The following DNM2 variants were observed in gnomAD, a reference collection of about 807,000 sequenced individuals.
DNM2 encodes the protein dynamin 2.
A neutral mutation model predicts 99.0 loss-of-function variants in DNM2; 15 were observed. The ratio of observed to expected loss-of-function variants is 0.15; its 90% CI spans 0.10 to 0.23. The LOEUF (loss-of-function observed/expected upper bound fraction) is 0.23. Ranked by LOEUF, DNM2 falls within the 10% of genes least tolerant of loss-of-function variation. DNM2 has a pLI of 1.00. For synonymous variants in DNM2, 525 were observed against 481.2 expected, an observed-to-expected ratio of 1.09 and a Z score of -1.19; for missense variants, 742 against 1,189.4, an observed-to-expected ratio of 0.62 and a Z score of 5.53.
intron 1 of DNM2, among the ~76,000 whole-genome samples, chr19:10,738,094 C>T (rs1016826032): frequency 6.6e-6 from 1 of 151,978 alleles, no homozygotes; most frequent in Admixed American, 6.6e-5. Flanking sequence ...GCATTAGTCT[C>T]ACAACAGAAG....
rs1262617501 is a variant in DNM2 at position 10,718,566 on chromosome 19, C to T, written c.161+163C>T. ...GGCGGGCCCTGTGGGACGCCCTGGGCAGAGGACTCCCTGCAGGGGCTCCGG... is the reference window on the plus strand; with the variant it reads ...GGCGGGCCCTGTGGGACGCCCTGGGTAGAGGACTCCCTGCAGGGGCTCCGG... On this transcript the variant is annotated intron_variant, in intron 1 of 20. Coordinates refer to ENST00000389253, the MANE Select transcript of DNM2 (RefSeq NM_001005361.3). The T allele has an allele frequency of 4.7e-6, 5 of 1,060,402 alleles. No homozygotes were observed. In the East Asian group the frequency reaches 1.9e-4, roughly 39 times the overall value. The allele number at this position is 1,060,402 out of a possible 1,614,324, so 65.7% of individuals were successfully genotyped here. A position where few individuals can be genotyped will look rare whatever the true frequency, so the allele number is the denominator to read the frequency against.
At chr19:10,778,591 G>T (rs549413517) in intron 5 of DNM2, among the ~76,000 whole-genome samples, 8 of 152,130 alleles carry the variant, frequency 5.3e-5, no homozygotes, top group Admixed American at 4.6e-4. Context: ...GTTCGAAGCT[G>T]CAGTGAGCTA....
At chr19:10,776,733 A>C (rs565064314) in intron 4 of DNM2, among the ~76,000 whole-genome samples, 23 of 152,346 alleles carry the variant, frequency 1.5e-4, no homozygotes, top group African/African-American at 5.1e-4. Context: ...CAGTCGTGTC[A>C]AACTCAAATG....
At chr19:10,778,033 T>TTATG (rs1324126930) in intron 5 of DNM2, among the ~76,000 whole-genome samples, 3 of 148,000 alleles carry the variant, frequency 2.0e-5, no homozygotes, top group Non-Finnish European at 4.5e-5. Flanking sequence ...ATTTATTTAT[T>TTATG]TATTTATTTA....
rs2071911415 is a variant in DNM2 at position 10,795,809 on chromosome 19, G to A, written c.1196+370G>A. 1 of 611,898 alleles carries A rather than the reference G, an allele frequency of 1.6e-6. No individual in the cohort carries two copies. Among genetic ancestry groups the A allele is most frequent in the South Asian group, 1.9e-5 (1 of 52,090 alleles). 37.9% of individuals were successfully genotyped at this position (611,898 alleles called of 1,614,324 possible). A position where few individuals can be genotyped will look rare whatever the true frequency, so the allele number is the denominator to read the frequency against. ...GAAGCCAGCATGAGTCCCCATCATG[G>A]CTTCCTCGTGAGCCTCTTGGGTCCC... On this transcript the variant is annotated intron_variant, in intron 9 of 20. Coordinates refer to ENST00000389253, the MANE Select transcript of DNM2 (RefSeq NM_001005361.3). The surrounding 1 kb of genome is among the most constrained non-coding windows in gnomAD (Gnocchi z 4.2).
chr19:10,744,378 G>A (rs527556825), intron 1 of DNM2, among the ~76,000 whole-genome samples: 1 of 152,268 alleles, frequency 6.6e-6, no homozygotes, highest in African/African-American at 2.4e-5. Context: ...CCTCAAGAAC[G>A]GGTCCGGGCT....
rs925460569 is a variant in DNM2, at chr19:10,830,056, C to T, written c.2292-71C>T. 59 of 1,608,536 alleles carry T rather than the reference C, an allele frequency of 3.7e-5. No individual in the cohort carries two copies. The East Asian group carries it at 1.2e-3, about 33-fold the overall frequency. ...AGCCAGCCCCCACCTCAGGTTCTGGCAGCCACAGTGGCATGGCGGGGGCTC... is the reference window on the plus strand; with the variant it reads ...AGCCAGCCCCCACCTCAGGTTCTGGTAGCCACAGTGGCATGGCGGGGGCTC... On this transcript the variant is annotated intron_variant, in intron 19 of 20. Coordinates refer to ENST00000389253, the MANE Select transcript of DNM2 (RefSeq NM_001005361.3). This position sits in a 1 kb window ranked among gnomAD's most constrained non-coding sequence, Gnocchi z 4.8.
intron 1 of DNM2, among the ~76,000 whole-genome samples, chr19:10,746,142 G>A (rs565079942): frequency 1.3e-5 from 2 of 152,182 alleles, no homozygotes; most frequent in South Asian, 2.1e-4. Context: ...TGTATTTTTA[G>A]TAGAGACAAG....
At chr19:10,733,095 G>C (rs2069390295) in intron 1 of DNM2, among the ~76,000 whole-genome samples, 1 of 151,718 alleles carries the variant, frequency 6.6e-6, no homozygotes, top group Non-Finnish European at 1.5e-5. Context: ...TGTTGGCCAG[G>C]CTAGTCTTGA....
rs117076509 is a variant in DNM2 at position 10,826,508 on chromosome 19, T to C, written c.2058+1287T>C. Among the ~76,000 whole-genome samples the C allele has an allele frequency of 3.0e-4, 46 of 152,326 alleles. No individual in the cohort carries two copies. The East Asian group carries it at 7.3e-3, about 24-fold the overall frequency. Reference sequence around the variant, plus strand: ...CAGTGAAATGCAGCTGTACTGATAGTATCTCCAGCTCAGGCTGCTAGAGGG... The same window carrying C: ...CAGTGAAATGCAGCTGTACTGATAGCATCTCCAGCTCAGGCTGCTAGAGGG... On this transcript the variant is annotated intron_variant, in intron 18 of 20. Transcript: ENST00000389253.
intron 2 of DNM2, among the ~76,000 whole-genome samples, chr19:10,763,859 C>G (rs1078655): frequency 6.6e-6 from 1 of 152,010 alleles, no homozygotes; most frequent in African/African-American, 2.4e-5. Flanking sequence ...AGAATGCAAG[C>G]GGGGAGTGGG....
intron 1 of DNM2, among the ~76,000 whole-genome samples, chr19:10,752,820 C>T (rs1251137591): frequency 1.3e-5 from 2 of 152,172 alleles, no homozygotes; most frequent in South Asian, 2.1e-4. Flanking sequence ...CCAGCCTGGA[C>T]ACCATAGTGA....
chr19:10,829,686 G>A (rs533088496), intron 19 of DNM2, among the ~76,000 whole-genome samples: 9 of 152,188 alleles, frequency 5.9e-5, no homozygotes, highest in East Asian at 1.9e-4. Flanking sequence ...CATTGAGGCC[G>A]TCGGGCAGGG....
At chr19:10,723,132 A>ATTT (rs1203412676) in intron 1 of DNM2, among the ~76,000 whole-genome samples, 3 of 113,942 alleles carry the variant, frequency 2.6e-5, no homozygotes, top group Admixed American at 9.2e-5. Flanking sequence ...CACCTGGCTA[A>ATTT]TTTTTTTTTT....
chr19:10,823,994 T>C (rs892625158), intron 17 of DNM2, 95 bp downstream of exon 17: 6 of 1,211,948 alleles, frequency 5.0e-6, no homozygotes, highest in Admixed American at 1.9e-5. Flanking sequence ...TCAGGCCATG[T>C]TAGCCAGGAG....
intron 14 of DNM2, chr19:10,810,968 C>G (rs2072521852): frequency 6.6e-6 from 1 of 152,520 alleles, no homozygotes; most frequent in Non-Finnish European, 1.5e-5. Context: ...CTCACAGGGG[C>G]TGCTGGCCTC....
intron 18 of DNM2, 83 bp from the exon 19 acceptor site, chr19:10,828,953 T>G: frequency 1.4e-6 from 2 of 1,423,758 alleles, no homozygotes; most frequent in Non-Finnish European, 1.9e-6. Flanking sequence ...CCCCGCCCTG[T>G]GAGAGATGTT....
At chr19:10,745,597 T>C (rs10410775) in intron 1 of DNM2, among the ~76,000 whole-genome samples, 112,997 of 152,100 alleles carry the variant, frequency 0.74, 42,700 homozygotes, top group African/African-American at 0.87. Context: ...CTCAGGAGGC[T>C]GAGGGAGGAG....
Position 10,772,645 on chromosome 19 carries a change from G to T in DNM2, c.385+17G>T. On this transcript the variant is annotated intron_variant, in intron 3 of 20. Coordinates refer to ENST00000389253, the MANE Select transcript of DNM2 (RefSeq NM_001005361.3). The surrounding 1 kb of genome is among the most constrained non-coding windows in gnomAD (Gnocchi z 4.9). ...CGCCACACGGTAGGCAGCACGGGTG[G>T]GGACCCATCACTGACCGTTTCTGGT... The T allele has an allele frequency of 6.2e-7, 1 of 1,613,896 alleles. No individual in the cohort carries two copies.
Sources: gnomAD v4.1 joint callset for allele counts (sites outside exome capture counted in the v4.1 genomes callset) on GRCh38, gnomAD v4.1.1 for gene constraint, Gnocchi (gnomAD v3.1) non-coding constraint, MANE v1.5 for transcripts, NCBI Gene and HGNC (gene_info 2026-07-23, HGNC 2026-07-21) for gene names.